The following GPM6A variants were observed in gnomAD, a reference collection of about 807,000 sequenced individuals.
GPM6A encodes neuronal membrane glycoprotein M6-a.
GPM6A carries 7 observed loss-of-function variants against 32.1 expected under a neutral mutation model. The ratio of observed to expected loss-of-function variants is 0.22; its 90% CI spans 0.12 to 0.41. The LOEUF is 0.41. Among genes scored for constraint, GPM6A ranks in the 10% least tolerant of loss-of-function variants. The probability of loss-of-function intolerance (pLI) is 1.00; values close to 1 mark genes in which losing one functional copy is unlikely to be tolerated. For synonymous variants in GPM6A, 130 were observed against 123.4 expected (o/e 1.05, Z -0.35); for missense variants, 235 against 347.2 (o/e 0.68, Z 2.57).
intron 1 of GPM6A, among the ~76,000 whole-genome samples, chr4:175,909,502 A>T (rs1738246564): frequency 6.6e-6 from 1 of 152,170 alleles, no homozygotes; most frequent in South Asian, 2.1e-4. Flanking sequence ...GTAACTATGA[A>T]CATGGAACTG....
intron 1 of GPM6A, among the ~76,000 whole-genome samples, chr4:175,721,799 A>G (rs1746149500): frequency 6.6e-6 from 1 of 152,204 alleles, no homozygotes; most frequent in African/African-American, 2.4e-5. Context: ...AGATAATTGA[A>G]AAGATTATTT....
Position 175,643,446 on chromosome 4 carries a change from A to G in GPM6A, c.542-2617T>C, listed in dbSNP as rs566398335. On this transcript the variant is annotated intron_variant, in intron 4 of 6. Transcript: ENST00000393658. ...ACATTGACTTCCCTGTTGTTTCCTG[A>G]GAAACCAGGTATCACATTGGCTTGG... Among the ~76,000 whole-genome samples, 6 of 152,284 alleles carry G rather than the reference A, an allele frequency of 3.9e-5. No individual in the cohort carries two copies. In the South Asian group the frequency reaches 1.2e-3, roughly 32 times the overall value.
intron 1 of GPM6A, among the ~76,000 whole-genome samples, chr4:175,983,579 A>G (rs1740879355): frequency 6.6e-6 from 1 of 152,200 alleles, no homozygotes; most frequent in African/African-American, 2.4e-5. Flanking sequence ...ATGGTGAATT[A>G]CACTAATTAA....
At chr4:175,685,567 T>G (rs1270944890) in intron 2 of GPM6A, among the ~76,000 whole-genome samples, 1 of 152,244 alleles carries the variant, frequency 6.6e-6, no homozygotes, top group Non-Finnish European at 1.5e-5. Context: ...ATTATTGGAA[T>G]TGGCTTAATC....
At chr4:175,887,003 T>G (rs1299992200) in intron 1 of GPM6A, among the ~76,000 whole-genome samples, 1 of 151,916 alleles carries the variant, frequency 6.6e-6, no homozygotes, top group Non-Finnish European at 1.5e-5. Flanking sequence ...ATATCACTAA[T>G]CAAAAATTAA....
intron 3 of GPM6A, among the ~76,000 whole-genome samples, chr4:175,662,681 AAT>A (rs1742498773): frequency 6.6e-6 from 1 of 152,138 alleles, no homozygotes; most frequent in Non-Finnish European, 1.5e-5. Context: ...ATATTAGGTA[AAT>A]ATTTAGACAT....
At chr4:175,970,906 T>C (rs1579675249) in intron 1 of GPM6A, 1 of 310,680 alleles carries the variant, frequency 3.2e-6, no homozygotes, top group South Asian at 3.0e-5. Flanking sequence ...CGACAGACCC[T>C]TTTTTTTCCC....
At chr4:175,860,533 A>C (rs180961517) in intron 1 of GPM6A, among the ~76,000 whole-genome samples, 1 of 152,348 alleles carries the variant, frequency 6.6e-6, no homozygotes, top group Non-Finnish European at 1.5e-5. Flanking sequence ...TATATTTGTT[A>C]GAGAAATTGA....
At chr4:175,694,296 G>C (rs1744451040) in intron 2 of GPM6A, among the ~76,000 whole-genome samples, 1 of 152,200 alleles carries the variant, frequency 6.6e-6, no homozygotes, top group African/African-American at 2.4e-5. Context: ...GCCTGTAACA[G>C]TTTGGAGGGC....
intron 6 of GPM6A, among the ~76,000 whole-genome samples, chr4:175,637,627 A>C: frequency 7.4e-5 from 1 of 13,598 alleles, no homozygotes; most frequent in East Asian, 4.4e-3. Context: ...AATATATATT[A>C]TATATATATT....
At chr4:175,664,380 C>T (rs1208238014) in intron 3 of GPM6A, among the ~76,000 whole-genome samples, 1 of 152,104 alleles carries the variant, frequency 6.6e-6, no homozygotes, top group Admixed American at 6.5e-5. Flanking sequence ...TTGATTGTAA[C>T]AAATGTACCA....
intron 1 of GPM6A, among the ~76,000 whole-genome samples, chr4:175,996,092 G>A (rs1054684951): frequency 6.6e-6 from 1 of 152,060 alleles, no homozygotes; most frequent in Non-Finnish European, 1.5e-5. Context: ...ATTTTTTAAG[G>A]CCTCTAAAAT....
intron 1 of GPM6A, among the ~76,000 whole-genome samples, chr4:175,908,895 C>T (rs1414181814): frequency 6.6e-6 from 1 of 152,004 alleles, no homozygotes; most frequent in East Asian, 1.9e-4. Flanking sequence ...TGAGAGTGAG[C>T]TAGCTTTACT....
intron 1 of GPM6A, among the ~76,000 whole-genome samples, chr4:175,721,153 A>ATATATATATATG (rs1216233337): frequency 6.9e-6 from 1 of 144,996 alleles, no homozygotes; most frequent in Non-Finnish European, 1.5e-5. Flanking sequence ...ATTCTAATAT[A>ATATATATATATG]TATATATATA....
chr4:175,971,270 G>GAAAAAAAA (rs146658517), intron 1 of GPM6A, among the ~76,000 whole-genome samples: 11 of 132,038 alleles, frequency 8.3e-5, no homozygotes, highest in African/African-American at 3.0e-4. Context: ...TATCTTCCGT[G>GAAAAAAAA]AAAAAAAAAA....
chr4:175,822,682 T>G (rs78808074), intron 1 of GPM6A, among the ~76,000 whole-genome samples: 3 of 151,644 alleles, frequency 2.0e-5, no homozygotes, highest in Non-Finnish European at 4.4e-5. Flanking sequence ...AACATTGTAC[T>G]TTAAGTTCTG....
intron 1 of GPM6A, among the ~76,000 whole-genome samples, chr4:175,935,465 T>A (rs1739187212): frequency 1.3e-5 from 2 of 152,226 alleles, no homozygotes. Context: ...GAATATTCTG[T>A]GCTTTCTCTA....
intron 1 of GPM6A, among the ~76,000 whole-genome samples, chr4:175,883,428 A>C (rs569184666): frequency 2.6e-5 from 4 of 152,162 alleles, no homozygotes; most frequent in Non-Finnish European, 4.4e-5. Context: ...AAAATTAAGA[A>C]GATAGTAGTT....
chr4:175,945,812 TC>T (rs1336358318), intron 1 of GPM6A, among the ~76,000 whole-genome samples: 1 of 150,178 alleles, frequency 6.7e-6, no homozygotes, highest in Non-Finnish European at 1.5e-5. Context: ...TACGTACAAC[TC>T]AGTAATACGG....
Sources: gnomAD v4.1 joint callset for allele counts (sites outside exome capture counted in the v4.1 genomes callset) on GRCh38, gnomAD v4.1.1 for gene constraint, MANE v1.5 for transcripts, NCBI Gene and HGNC (gene_info 2026-07-23, HGNC 2026-07-21) for gene names.